The following MDGA2 variants were observed in gnomAD, a reference collection of about 807,000 sequenced individuals.
MDGA2 encodes the protein MAM domain containing glycosylphosphatidylinositol anchor 2.
MDGA2 carries 40 observed loss-of-function variants against 117.8 expected under a neutral mutation model. The ratio of observed to expected loss-of-function variants is 0.34; its 90% CI spans 0.26 to 0.44. The LOEUF (loss-of-function observed/expected upper bound fraction) is 0.44, where lower values mean the gene tolerates loss of function less well. MDGA2 is among the 20% of genes least tolerant of loss of function. The probability of loss-of-function intolerance (pLI) is 1.00; values close to 1 mark genes in which losing one functional copy is unlikely to be tolerated. For missense variants in MDGA2, 1,123 were observed against 1,250.6 expected (o/e 0.90, Z 1.54); for synonymous variants, 452 against 439.0 (o/e 1.03, Z -0.37).
chr14:47,154,124 C>T (rs1298805772), intron 3 of MDGA2, among the ~76,000 whole-genome samples: 1 of 151,972 alleles, frequency 6.6e-6, no homozygotes, highest in Admixed American at 6.6e-5. Flanking sequence ...TTGTTTTGTT[C>T]CTGTTTTGTT....
intron 2 of MDGA2, among the ~76,000 whole-genome samples, chr14:47,280,238 C>T (rs1888434102): frequency 7.4e-6 from 1 of 135,468 alleles, no homozygotes; most frequent in South Asian, 2.3e-4. Context: ...CACTTGCACC[C>T]GGGAGGCAGA....
intron 2 of MDGA2, among the ~76,000 whole-genome samples, chr14:47,267,472 T>G (rs1302050215): frequency 6.6e-6 from 1 of 152,160 alleles, no homozygotes; most frequent in African/African-American, 2.4e-5. Flanking sequence ...TTAATTGTTA[T>G]TTATGTCATT....
intron 3 of MDGA2, among the ~76,000 whole-genome samples, chr14:47,170,223 T>C (rs1020420134): frequency 2.0e-5 from 3 of 152,124 alleles, no homozygotes; most frequent in African/African-American, 7.2e-5. Context: ...CTTGATTTAA[T>C]TGCTCAACTC....
intron 1 of MDGA2, among the ~76,000 whole-genome samples, chr14:47,482,731 A>C (rs1893979306): frequency 6.6e-6 from 1 of 151,984 alleles, no homozygotes; most frequent in African/African-American, 2.4e-5. Context: ...TATGTTGATA[A>C]GTTATAGTAA....
intron 10 of MDGA2, among the ~76,000 whole-genome samples, chr14:46,891,022 C>T (rs926900597): frequency 3.3e-5 from 5 of 151,948 alleles, no homozygotes; most frequent in African/African-American, 1.2e-4. Flanking sequence ...TTCACAGTAG[C>T]TAAAGCTGAA....
chr14:47,599,311 C>T (rs1268526901), intron 1 of MDGA2, among the ~76,000 whole-genome samples: 1 of 145,544 alleles, frequency 6.9e-6, no homozygotes, highest in Non-Finnish European at 1.5e-5. Flanking sequence ...AAGACAAATG[C>T]TGTTTTTTTT....
At chr14:47,439,113 G>A (rs141854790) in intron 1 of MDGA2, among the ~76,000 whole-genome samples, 1 of 151,952 alleles carries the variant, frequency 6.6e-6, no homozygotes, top group Non-Finnish European at 1.5e-5. Context: ...TAGTGCTCTG[G>A]TTAATAATAA....
At chr14:47,228,403 GA>G in intron 2 of MDGA2, among the ~76,000 whole-genome samples, 1 of 152,036 alleles carries the variant, frequency 6.6e-6, no homozygotes, top group Admixed American at 6.6e-5. Context: ...ATGATGGTGT[GA>G]AAACAATACA....
At chr14:46,958,899 TAAG>T (rs1239650011) in intron 8 of MDGA2, among the ~76,000 whole-genome samples, 3 of 152,226 alleles carry the variant, frequency 2.0e-5, no homozygotes, top group Admixed American at 6.5e-5. Context: ...GTGTGCCCAC[TAAG>T]AAGGAATAGT....
intron 6 of MDGA2, among the ~76,000 whole-genome samples, chr14:47,083,996 T>TC (rs893224353): frequency 8.6e-5 from 13 of 151,988 alleles, no homozygotes; most frequent in African/African-American, 3.1e-4. Flanking sequence ...ACTTTGATAT[T>TC]CCCCCCTTTA....
At chr14:47,195,961 T>G (rs1204802825) in intron 3 of MDGA2, among the ~76,000 whole-genome samples, 1 of 152,098 alleles carries the variant, frequency 6.6e-6, no homozygotes, top group Non-Finnish European at 1.5e-5. Flanking sequence ...ATTTTAAATA[T>G]ATCCTATTTT....
At chr14:47,150,860 G>A (rs1186880904) in intron 3 of MDGA2, among the ~76,000 whole-genome samples, 1 of 149,996 alleles carries the variant, frequency 6.7e-6, no homozygotes, top group East Asian at 2.0e-4. Context: ...GGAGGTAGAG[G>A]TTGTAGTGAG....
chr14:47,164,690 T>C (rs1008902324), intron 3 of MDGA2, among the ~76,000 whole-genome samples: 2 of 152,192 alleles, frequency 1.3e-5, no homozygotes, highest in African/African-American at 4.8e-5. Context: ...GAAGACAGTG[T>C]GGCGATTCCT....
chr14:47,153,739 G>C (rs1173167929), intron 3 of MDGA2, among the ~76,000 whole-genome samples: 1 of 151,116 alleles, frequency 6.6e-6, no homozygotes, highest in Non-Finnish European at 1.5e-5. Flanking sequence ...TTGGGCGGGA[G>C]GGCTTTGTAA....
chr14:47,207,805 T>A (rs1226163068), intron 3 of MDGA2, among the ~76,000 whole-genome samples: 1 of 151,990 alleles, frequency 6.6e-6, no homozygotes, highest in Non-Finnish European at 1.5e-5. Flanking sequence ...ATAAAAACAC[T>A]GCAGTGCCCT....
chr14:47,274,524 C>T (rs1174213869), intron 2 of MDGA2, among the ~76,000 whole-genome samples: 1 of 152,040 alleles, frequency 6.6e-6, no homozygotes, highest in African/African-American at 2.4e-5. Context: ...ACTATGAGCA[C>T]TGTTGTATGA....
intron 3 of MDGA2, among the ~76,000 whole-genome samples, chr14:47,193,523 A>G (rs1252486593): frequency 2.6e-5 from 4 of 152,182 alleles, no homozygotes; most frequent in Admixed American, 2.0e-4. Context: ...CATCCTGTTT[A>G]TCTTTGATCT....
At chr14:47,494,876 T>TTTTATATATA (rs1555327306) in intron 1 of MDGA2, among the ~76,000 whole-genome samples, 1 of 141,020 alleles carries the variant, frequency 7.1e-6, no homozygotes, top group African/African-American at 2.8e-5. Context: ...TAAAATGTGA[T>TTTTATATATA]TATATATATA....
At chr14:47,015,241 TATAATA>T (rs1306587678) in intron 8 of MDGA2, among the ~76,000 whole-genome samples, 2 of 150,830 alleles carry the variant, frequency 1.3e-5, no homozygotes, top group Non-Finnish European at 2.9e-5. Context: ...CCATTACAGA[TATAATA>T]ATAATAAAAA....
Sources: gnomAD v4.1 joint callset for allele counts (sites outside exome capture counted in the v4.1 genomes callset) on GRCh38, gnomAD v4.1.1 for gene constraint, MANE v1.5 for transcripts, NCBI Gene and HGNC (gene_info 2026-07-23, HGNC 2026-07-21) for gene names.